Variants in CYP39A1 observed in about 807,000 individuals in gnomAD.
CYP39A1 encodes the protein cytochrome P450 family 39 subfamily A member 1.
Under a neutral mutation model 58.1 loss-of-function variants are expected in CYP39A1, and 49 were observed. The ratio of observed to expected loss-of-function variants is 0.84; its 90% CI spans 0.67 to 1.07. CYP39A1 has a LOEUF of 1.07. CYP39A1 is among the 50% of genes least tolerant of loss of function. The pLI is 0.00. For missense variants in CYP39A1, 531 were observed against 539.4 expected (o/e 0.98, Z 0.16); for synonymous variants, 209 against 187.6 (o/e 1.11, Z -0.93).
chr6:46,626,580 T>C (rs1298581022), intron 6 of CYP39A1, among the ~76,000 whole-genome samples: 1 of 152,180 alleles, frequency 6.6e-6, no homozygotes, highest in East Asian at 1.9e-4. Flanking sequence ...TAACTTTAAA[T>C]TGATAGTGCA....
At chr6:46,554,639 ATTCTGT>A (rs1357385630) in intron 10 of CYP39A1, among the ~76,000 whole-genome samples, 1 of 152,208 alleles carries the variant, frequency 6.6e-6, no homozygotes, top group East Asian at 1.9e-4. Flanking sequence ...TATAAATAGA[ATTCTGT>A]TATTTTTCCC....
At chr6:46,647,014 T>A (rs1487607623) in intron 1 of CYP39A1, among the ~76,000 whole-genome samples, 1 of 151,910 alleles carries the variant, frequency 6.6e-6, no homozygotes, top group Non-Finnish European at 1.5e-5. Flanking sequence ...TTTCCTTATT[T>A]TTTTTTTTAA....
rs572371592 is a variant in CYP39A1 at position 46,640,610 on chromosome 6, T to TA, written c.314-943dup. On this transcript the variant is annotated intron_variant, in intron 2 of 11. Coordinates refer to ENST00000275016, the MANE Select transcript of CYP39A1 (RefSeq NM_016593.5). ...GACCTTGAAGTAACTTTTTCTGTTT[T>TA]AAAAAAATTTTGAATTTTATTTTAG... is the stretch of plus-strand genomic sequence containing the variant. Among the ~76,000 whole-genome samples, 348 of 152,322 alleles carry TA rather than the reference T, an allele frequency of 2.3e-3. 4 individuals carry two copies. Among genetic ancestry groups the TA allele is most frequent in the South Asian group, 0.015 (71 of 4,822 alleles).
At chr6:46,620,312 C>T (rs9463222) in intron 7 of CYP39A1, among the ~76,000 whole-genome samples, 29,079 of 152,020 alleles carry the variant, frequency 0.19, 2,999 homozygotes, top group African/African-American at 0.27. Flanking sequence ...TCTCATTATG[C>T]GACAAGTTTG....
chr6:46,550,769 C>A (rs1770349042), intron 11 of CYP39A1, among the ~76,000 whole-genome samples: 2 of 152,172 alleles, frequency 1.3e-5, no homozygotes, highest in Non-Finnish European at 2.9e-5. Flanking sequence ...AAAACTGTGA[C>A]ACTTCATTTA....
chr6:46,615,590 T>C (rs756298376), intron 7 of CYP39A1, among the ~76,000 whole-genome samples: 1 of 152,168 alleles, frequency 6.6e-6, no homozygotes, highest in Non-Finnish European at 1.5e-5. Flanking sequence ...TCCTCTTTTT[T>C]TTATTTAAAA....
chr6:46,568,498 C>T (rs935333111), intron 10 of CYP39A1, among the ~76,000 whole-genome samples: 6 of 144,460 alleles, frequency 4.2e-5, no homozygotes, highest in East Asian at 2.0e-4. Context: ...AAAGCTTGTG[C>T]TCTGTTTTTC....
intron 5 of CYP39A1, among the ~76,000 whole-genome samples, chr6:46,635,350 T>C (rs566017891): frequency 1.8e-4 from 27 of 152,146 alleles, no homozygotes; most frequent in African/African-American, 6.5e-4. Flanking sequence ...CAAGGTTACA[T>C]AACCAGTGAC....
In CYP39A1 at chr6:46,628,318, C is replaced by A. The variant is rs554484981; in HGVS notation, c.840+2645G>T. 7.9e-4 allele frequency among the ~76,000 whole-genome samples: 120 copies of A among 152,156 alleles called. 1 individual carries two copies. In the South Asian group the frequency reaches 0.024, roughly 31 times the overall value. On this transcript the variant is annotated intron_variant, in intron 6 of 11. Transcript: ENST00000275016. ...CGAAATGTACAAGACAGTGAGAGAG[C>A]AAACACATGTTACAAAAAATAAATA...
rs1212428801 is a variant in CYP39A1 at position 46,637,977 on chromosome 6, G to T, written c.490C>A (p.His164Asn). The T allele has an allele frequency of 2.5e-6, 4 of 1,600,138 alleles. No homozygotes were observed. Among genetic ancestry groups the T allele is most frequent in the Non-Finnish European group, 3.4e-6 (4 of 1,176,806 alleles). ...TTCACTGTGACTGGATAAAGGAGAT[G>T]TCTACAAAGACAGAAACACACAAAA... The part of the protein sequence containing the change: ...GTMDLNNLVR[H>N]LLYPVTVNML... The change falls in exon 4 of 12, where the codon CAT (histidine) becomes AAT (asparagine). Residue 164 changes from histidine to asparagine, a missense_variant and splice_region_variant. His to Asn is a moderately conservative substitution (Grantham distance 68). Coordinates refer to ENST00000275016, the MANE Select transcript of CYP39A1 (RefSeq NM_016593.5).
At chr6:46,575,389 C>G (rs113540639) in intron 10 of CYP39A1, among the ~76,000 whole-genome samples, 6 of 152,294 alleles carry the variant, frequency 3.9e-5, no homozygotes, top group Admixed American at 1.3e-4. Context: ...GAGCACACCC[C>G]AGTCTGCTGG....
Position 46,591,585 on chromosome 6 carries a change from A to G in CYP39A1, c.1066-3456T>C, listed in dbSNP as rs1434087952. On this transcript the variant is annotated intron_variant, in intron 8 of 11. Coordinates refer to ENST00000275016, the MANE Select transcript of CYP39A1 (RefSeq NM_016593.5). ...AATGAATCACCAAATTAATATTTTA[A>G]CAATTTCTCAGTTTAAATTTAAAAT... Among the ~76,000 whole-genome samples the G allele has an allele frequency of 4.6e-5, 7 of 152,234 alleles. No homozygotes were observed. The East Asian group carries it at 1.3e-3, about 29-fold the overall frequency.
intron 10 of CYP39A1, 135 bp from the exon 11 acceptor site, chr6:46,553,989 G>A (rs1770543969): frequency 8.0e-6 from 5 of 628,782 alleles, no homozygotes; most frequent in Non-Finnish European, 1.4e-5. Flanking sequence ...CCTATTTAAA[G>A]GACAGAGTAA....
intron 8 of CYP39A1, among the ~76,000 whole-genome samples, chr6:46,594,576 A>G (rs1034508333): frequency 2.0e-5 from 3 of 152,092 alleles, no homozygotes; most frequent in African/African-American, 7.2e-5. Flanking sequence ...AGTTTCTTCA[A>G]TAAATGATGT....
At chr6:46,564,579 G>A (rs775400170) in intron 10 of CYP39A1, among the ~76,000 whole-genome samples, 3 of 152,100 alleles carry the variant, frequency 2.0e-5, no homozygotes, top group Admixed American at 1.3e-4. Context: ...CAAAAACCCA[G>A]GTGTCTAAGA....
At chr6:46,627,816 A>T (rs542774457) in intron 6 of CYP39A1, among the ~76,000 whole-genome samples, 1 of 152,342 alleles carries the variant, frequency 6.6e-6, no homozygotes, top group African/African-American at 2.4e-5. Flanking sequence ...TAAAATAGTT[A>T]ATAAAAGTTT....
chr6:46,636,253 A>G lies in CYP39A1; in HGVS notation c.732+136T>C, dbSNP rs1186580576. 3 of 592,846 alleles carry G rather than the reference A, an allele frequency of 5.1e-6. No homozygotes were observed. The East Asian group carries it at 9.0e-5, about 18-fold the overall frequency. 36.7% of individuals were successfully genotyped at this position (592,846 alleles called of 1,614,324 possible). A position where few individuals can be genotyped will look rare whatever the true frequency, so the allele number is the denominator to read the frequency against. ...TGATGATGTAACAGTGAAATAATGTATCTCAACATGTCCAGTACAGTGGTT... is the reference window on the plus strand; with the variant it reads ...TGATGATGTAACAGTGAAATAATGTGTCTCAACATGTCCAGTACAGTGGTT... On this transcript the variant is annotated intron_variant, in intron 5 of 11. Coordinates refer to ENST00000275016, the MANE Select transcript of CYP39A1 (RefSeq NM_016593.5).
At chr6:46,636,516 G>A in intron 4 of CYP39A1, 34 bp from the exon 5 acceptor site, 3 of 1,395,774 alleles carry the variant, frequency 2.1e-6, no homozygotes, top group Non-Finnish European at 3.0e-6. Flanking sequence ...GAAATTAATT[G>A]GAAAGCACTT....
chr6:46,643,168 C>T (rs1297177776), intron 1 of CYP39A1, among the ~76,000 whole-genome samples: 1 of 152,142 alleles, frequency 6.6e-6, no homozygotes, highest in East Asian at 1.9e-4. Context: ...AAAAAGTCAT[C>T]ATTTTTATTG....
Sources: gnomAD v4.1 joint callset for allele counts (sites outside exome capture counted in the v4.1 genomes callset) on GRCh38, gnomAD v4.1.1 for gene constraint, MANE v1.5 for transcripts, NCBI Gene and HGNC (gene_info 2026-07-23, HGNC 2026-07-21) for gene names.